The following RASA2 variants were observed in gnomAD, a reference collection of about 807,000 sequenced individuals.
The protein encoded by RASA2 is ras GTPase-activating protein 2.
Under a neutral mutation model 118.2 loss-of-function variants are expected in RASA2, and 155 were observed. The observed-to-expected ratio is 1.31, with a 90% CI of 1.15 to 1.50. The LOEUF (loss-of-function observed/expected upper bound fraction) is 1.50, where lower values mean the gene tolerates loss of function less well. Among genes scored for constraint, RASA2 ranks in the 40% most tolerant of loss-of-function variants. RASA2 has a pLI of 0.00. For synonymous variants in RASA2, 353 were observed against 349.1 expected (o/e 1.01, Z -0.12); for missense variants, 1,016 against 1,009.6 (o/e 1.01, Z -0.09).
intron 23 of RASA2, among the ~76,000 whole-genome samples, chr3:141,610,651 C>G (rs1236248148): frequency 6.6e-6 from 1 of 150,464 alleles, no homozygotes; most frequent in Non-Finnish European, 1.5e-5. Flanking sequence ...CCACTGTGCC[C>G]AGCTATTTGT....
chr3:141,604,512 A>G (rs918964862), intron 19 of RASA2, among the ~76,000 whole-genome samples: 2 of 152,188 alleles, frequency 1.3e-5, no homozygotes, highest in African/African-American at 4.8e-5. Context: ...TCCCTAAAGA[A>G]GTCATCTGGA....
At chr3:141,575,994 C>T (rs1464437041) in intron 14 of RASA2, among the ~76,000 whole-genome samples, 1 of 152,126 alleles carries the variant, frequency 6.6e-6, no homozygotes, top group Non-Finnish European at 1.5e-5. Context: ...TCAGGCTGGT[C>T]TCAAACTCCT....
intron 7 of RASA2, among the ~76,000 whole-genome samples, chr3:141,556,167 C>T (rs1010824639): frequency 1.3e-5 from 2 of 152,206 alleles, no homozygotes; most frequent in African/African-American, 4.8e-5. Flanking sequence ...ACTATTCATG[C>T]CCTTCCTTTG....
chr3:141,551,129 G>C (rs145442294), intron 5 of RASA2, among the ~76,000 whole-genome samples: 1 of 152,174 alleles, frequency 6.6e-6, no homozygotes, highest in East Asian at 1.9e-4. Context: ...GTTATTTTCT[G>C]TTGCATGCCA....
intron 17 of RASA2, 146 bp from the exon 18 acceptor site, chr3:141,585,877 AAT>A (rs1253604370): frequency 4.2e-6 from 2 of 473,382 alleles, no homozygotes; most frequent in South Asian, 4.4e-5. Flanking sequence ...TCTCTAATTA[AAT>A]ATGTGTTTTG....
intron 5 of RASA2, among the ~76,000 whole-genome samples, chr3:141,545,711 G>T (rs1320792126): frequency 6.6e-6 from 1 of 152,014 alleles, no homozygotes; most frequent in African/African-American, 2.4e-5. Context: ...CTCCCAAAGT[G>T]CTGGGATTAC....
chr3:141,600,902 T>G (rs2083452755), intron 19 of RASA2, among the ~76,000 whole-genome samples: 1 of 152,148 alleles, frequency 6.6e-6, no homozygotes, highest in Admixed American at 6.5e-5. Flanking sequence ...TTTAAAGACT[T>G]ACTGTAAAGC....
intron 14 of RASA2, among the ~76,000 whole-genome samples, chr3:141,574,493 G>A (rs2082979558): frequency 6.6e-6 from 1 of 152,030 alleles, no homozygotes; most frequent in Admixed American, 6.6e-5. Flanking sequence ...CCCAGCCTAA[G>A]GTTTTTAAGT....
At chr3:141,528,116 A>G (rs552358956) in intron 3 of RASA2, among the ~76,000 whole-genome samples, 7 of 152,044 alleles carry the variant, frequency 4.6e-5, no homozygotes. Flanking sequence ...TGAACTTTCA[A>G]TAGGCCTCCT....
chr3:141,563,894 A>G (rs2082776446), intron 9 of RASA2, among the ~76,000 whole-genome samples: 1 of 152,148 alleles, frequency 6.6e-6, no homozygotes, highest in African/African-American at 2.4e-5. Context: ...TATATAAAAG[A>G]GAATCAGAGA....
chr3:141,513,734 A>G (rs141777229), intron 2 of RASA2, among the ~76,000 whole-genome samples: 1 of 152,320 alleles, frequency 6.6e-6, no homozygotes, highest in East Asian at 1.9e-4. Flanking sequence ...ACTGTTTTCT[A>G]GACAAGATCA....
intron 8 of RASA2, 133 bp downstream of exon 8, chr3:141,559,095 G>T: frequency 1.6e-6 from 1 of 609,816 alleles, no homozygotes; most frequent in Non-Finnish European, 2.8e-6. Context: ...AGAGGAATAT[G>T]CAACTAATTT....
chr3:141,609,686 T>G (rs2107802967), intron 22 of RASA2, among the ~76,000 whole-genome samples, 163 bp downstream of exon 22: 1 of 152,210 alleles, frequency 6.6e-6, no homozygotes, highest in East Asian at 1.9e-4. Context: ...TTGACATTCA[T>G]GAAGTAAAAA....
At chr3:141,582,945 C>T (rs921965903) in intron 17 of RASA2, among the ~76,000 whole-genome samples, 2 of 152,096 alleles carry the variant, frequency 1.3e-5, no homozygotes. Flanking sequence ...ATGTCTAAAC[C>T]AGAACACTTT....
In RASA2 at chr3:141,559,992, C is replaced by G. The variant is rs771910370; in HGVS notation, c.860C>G (p.Ala287Gly). The G allele has an allele frequency of 1.2e-6, 2 of 1,611,222 alleles. No individual in the cohort carries two copies. Among genetic ancestry groups the G allele is most frequent in the Admixed American group, 1.7e-5 (1 of 59,974 alleles). ...NVLRTDSSHQ[A>G]WYLLQPRDNG... ...TTAAGAACTGATTCCTCTCATCAAG[C>G]CTGGTAAGGGCCCAGCATTTTAGTG... Residue 287 changes from alanine (A) to glycine (G), a missense_variant, in exon 9 of 24, where the codon GCC (alanine) becomes GGC (glycine). Physicochemically the swap from Ala to Gly is moderately conservative, Grantham distance 60. Transcript: ENST00000286364.
intron 1 of RASA2, among the ~76,000 whole-genome samples, chr3:141,508,375 T>G (rs2081900600): frequency 6.6e-6 from 1 of 151,852 alleles, no homozygotes; most frequent in South Asian, 2.1e-4. Context: ...AGTGGTTTTT[T>G]GGGTTTTTTT....
At chr3:141,601,173 C>T (rs2083456718) in intron 19 of RASA2, among the ~76,000 whole-genome samples, 1 of 152,130 alleles carries the variant, frequency 6.6e-6, no homozygotes, top group Admixed American at 6.5e-5. Context: ...CACACCTGTA[C>T]CCTAGCACTT....
intron 19 of RASA2, among the ~76,000 whole-genome samples, chr3:141,604,921 TTAAA>T (rs540314854): frequency 1.3e-4 from 20 of 151,640 alleles, no homozygotes; most frequent in Admixed American, 2.6e-4. Flanking sequence ...TATACATATA[TTAAA>T]TAAATAAATA....
At chr3:141,564,953 C>G (rs1401438761) in intron 9 of RASA2, among the ~76,000 whole-genome samples, 3 of 151,178 alleles carry the variant, frequency 2.0e-5, no homozygotes, top group African/African-American at 7.3e-5. Flanking sequence ...TCAGGCTCTG[C>G]ACTCAGTCAT....
Sources: allele counts gnomAD v4.1 joint callset (sites outside exome capture counted in the v4.1 genomes callset), GRCh38; gene constraint gnomAD v4.1.1; transcripts MANE v1.5; gene names NCBI Gene and HGNC (gene_info 2026-07-23, HGNC 2026-07-21).